The following HTR1F variants were observed in gnomAD, a reference collection of about 807,000 sequenced individuals.
HTR1F encodes the protein 5-hydroxytryptamine receptor 1F, also known as 5-hydroxytryptamine (serotonin) receptor 1F, G protein-coupled.
In HTR1F, 17 loss-of-function variants were observed where a neutral mutation model predicts 24.0. The ratio of observed to expected loss-of-function variants is 0.71; its 90% CI spans 0.48 to 1.06. The LOEUF is 1.06. Among genes scored for constraint, HTR1F ranks in the 50% least tolerant of loss-of-function variants. HTR1F has a pLI of 0.00. For synonymous variants in HTR1F, 186 were observed against 156.8 expected (o/e 1.19, Z -1.39); for missense variants, 391 against 427.8 (o/e 0.91, Z 0.76).
intron 2 of HTR1F, among the ~76,000 whole-genome samples, chr3:87,958,864 C>T (rs1253260516): frequency 6.6e-6 from 1 of 151,428 alleles, no homozygotes; most frequent in Non-Finnish European, 1.5e-5. Context: ...ATATTTCCTC[C>T]CTTATTTTTT....
chr3:87,897,899 T>A (rs553373500), intron 2 of HTR1F, among the ~76,000 whole-genome samples: 13 of 152,234 alleles, frequency 8.5e-5, no homozygotes, highest in Non-Finnish European at 7.4e-5. Flanking sequence ...ATGCAACCTG[T>A]TTATTATACT....
intron 2 of HTR1F, among the ~76,000 whole-genome samples, chr3:87,988,726 G>T (rs1705735486): frequency 2.0e-5 from 3 of 151,196 alleles, no homozygotes; most frequent in African/African-American, 7.3e-5. Flanking sequence ...GTGCCACCAA[G>T]CCCCAATAAT....
In HTR1F at chr3:87,805,494, T is replaced by A. The variant is rs539286049; in HGVS notation, c.-160+12652T>A. 4.9e-3 allele frequency among the ~76,000 whole-genome samples: 747 copies of A among 152,212 alleles called. 6 individuals carry two copies. Among genetic ancestry groups the A allele is most frequent in the African/African-American group, 0.017 (694 of 41,556 alleles). On this transcript the variant is annotated intron_variant, in intron 1 of 2. Transcript: ENST00000319595. ...TCCTGTGTATTTCATATCTTTTTTT[T>A]ATTTTAAAATTGATGTATAATATTT...
At chr3:87,820,175 ATTTT>A (rs1370534998) in intron 1 of HTR1F, among the ~76,000 whole-genome samples, 1 of 130,634 alleles carries the variant, frequency 7.7e-6, no homozygotes. Context: ...ATCATGACCC[ATTTT>A]TTTTTTTTTT....
At chr3:87,923,229 T>A (rs1341967820) in intron 2 of HTR1F, among the ~76,000 whole-genome samples, 1 of 152,082 alleles carries the variant, frequency 6.6e-6, no homozygotes, top group Admixed American at 6.6e-5. Flanking sequence ...TTGCTCAGGA[T>A]CCCATTAGCC....
intron 2 of HTR1F, among the ~76,000 whole-genome samples, chr3:87,975,297 A>T (rs991086606): frequency 2.6e-5 from 4 of 152,048 alleles, no homozygotes; most frequent in African/African-American, 9.7e-5. Flanking sequence ...TCAAAAAAAA[A>T]TCCAAATCTT....
intron 2 of HTR1F, among the ~76,000 whole-genome samples, chr3:87,822,464 A>G (rs1704378444): frequency 6.6e-6 from 1 of 152,246 alleles, no homozygotes; most frequent in South Asian, 2.1e-4. Flanking sequence ...GACATTAAAT[A>G]CTAAATCAGA....
intron 2 of HTR1F, among the ~76,000 whole-genome samples, chr3:87,973,020 AT>A: frequency 6.6e-6 from 1 of 151,048 alleles, no homozygotes; most frequent in East Asian, 1.9e-4. Flanking sequence ...AAAAAAAAAA[AT>A]TTAGCCAGGC....
At chr3:87,890,944 C>T (rs1369497776) in intron 2 of HTR1F, among the ~76,000 whole-genome samples, 4 of 151,252 alleles carry the variant, frequency 2.6e-5, no homozygotes, top group South Asian at 2.1e-4. Flanking sequence ...CGGGTTCAAG[C>T]GATTCTCCCA....
At position 87,990,824 on chromosome 3, in the gene HTR1F, G is replaced by A. The variant is rs138692634; in HGVS notation, c.75G>A (p.Leu25=). Reference sequence around the variant, plus strand: ...TAAACAGAATGCCATCCAAAATTCTGGTGTCCCTCACTCTGTCTGGGCTGG... The same window carrying A: ...TAAACAGAATGCCATCCAAAATTCTAGTGTCCCTCACTCTGTCTGGGCTGG... ...ELLNRMPSKI[L]VSLTLSGLAL... Residue 25 remains leucine (L), a synonymous_variant, in exon 3 of 3, where the codon CTG becomes CTA. Transcript: ENST00000319595. 24 of 1,613,972 alleles carry A rather than the reference G, an allele frequency of 1.5e-5. No homozygotes were observed. In the East Asian group the frequency reaches 5.1e-4, roughly 34 times the overall value.
At chr3:87,802,085 TC>T (rs1177304653) in intron 1 of HTR1F, among the ~76,000 whole-genome samples, 8 of 67,646 alleles carry the variant, frequency 1.2e-4, no homozygotes, top group Non-Finnish European at 2.1e-4. Flanking sequence ...CCTCCTTCCC[TC>T]CCTCCCTCCT....
At chr3:87,921,769 A>C (rs764990917) in intron 2 of HTR1F, among the ~76,000 whole-genome samples, 1 of 151,832 alleles carries the variant, frequency 6.6e-6, no homozygotes, top group Non-Finnish European at 1.5e-5. Context: ...TCGAATCTCT[A>C]CTTCCATGAA....
intron 2 of HTR1F, among the ~76,000 whole-genome samples, chr3:87,829,595 G>GA (rs1469025646): frequency 7.9e-5 from 12 of 152,152 alleles, no homozygotes; most frequent in Admixed American, 7.2e-4. Flanking sequence ...TGTCCTGAGG[G>GA]ACTTAAGGAG....
At chr3:87,881,111 T>C (rs1223250323) in intron 2 of HTR1F, among the ~76,000 whole-genome samples, 1 of 150,904 alleles carries the variant, frequency 6.6e-6, no homozygotes, top group African/African-American at 2.4e-5. Flanking sequence ...AGGGTGAGCC[T>C]AAGCAGGGCG....
chr3:87,847,668 A>T (rs775403599), intron 2 of HTR1F, among the ~76,000 whole-genome samples: 1 of 151,788 alleles, frequency 6.6e-6, no homozygotes, highest in Non-Finnish European at 1.5e-5. Flanking sequence ...TATGCCTGTA[A>T]CCAACCTCTC....
chr3:87,932,454 A>G (rs1416858376), intron 2 of HTR1F, among the ~76,000 whole-genome samples: 1 of 152,144 alleles, frequency 6.6e-6, no homozygotes, highest in Non-Finnish European at 1.5e-5. Flanking sequence ...GTAGCCTTGT[A>G]GTATAGTTTG....
rs559535983 is a variant in HTR1F, at chr3:87,964,279, G to A, written c.-42-26429G>A. Among the ~76,000 whole-genome samples, 5 of 151,926 alleles carry A rather than the reference G, an allele frequency of 3.3e-5. No homozygotes were observed. In the East Asian group the frequency reaches 7.7e-4, roughly 23 times the overall value. On this transcript the variant is annotated intron_variant, in intron 2 of 2. Transcript: ENST00000319595. The stretch of plus-strand genomic sequence containing the variant: ...TTATTTCCTTCTGGGTATACATGAC[G>A]CCAAAGTAAATCACTCCTACAGCTC...
At chr3:87,899,594 G>A (rs894018824) in intron 2 of HTR1F, among the ~76,000 whole-genome samples, 9 of 152,056 alleles carry the variant, frequency 5.9e-5, no homozygotes, top group African/African-American at 2.2e-4. Context: ...GGCCGGGTGC[G>A]GTGACTCACG....
intron 2 of HTR1F, among the ~76,000 whole-genome samples, chr3:87,862,807 CT>C (rs200780343): frequency 2.6e-5 from 4 of 151,320 alleles, no homozygotes; most frequent in Middle Eastern, 3.4e-3. Context: ...TGTACTTACT[CT>C]TTTTTTTTCT....
Sources: gnomAD v4.1 joint callset for allele counts (sites outside exome capture counted in the v4.1 genomes callset) on GRCh38, gnomAD v4.1.1 for gene constraint, MANE v1.5 for transcripts, NCBI Gene and HGNC (gene_info 2026-07-23, HGNC 2026-07-21) for gene names.